Variants in APOB observed in about 807,000 individuals in gnomAD.
APOB encodes apolipoprotein B-100.
Under a neutral mutation model 314.1 loss-of-function variants are expected in APOB, and 153 were observed. That is an observed-to-expected ratio of 0.49 (90% CI 0.43 to 0.56). APOB has a LOEUF of 0.56. APOB is among the 20% of genes least tolerant of loss of function. The pLI is 0.00. For missense variants in APOB, 5,430 were observed against 5,350.7 expected (o/e 1.01, Z -0.46); for synonymous variants, 2,087 against 2,036.4 (o/e 1.02, Z -0.67).
chr2:21,011,612 G>A lies in APOB; in HGVS notation c.5256C>T (p.Asp1752=). The A allele has an allele frequency of 6.2e-7, 1 of 1,614,160 alleles. No individual in the cohort carries two copies. Among genetic ancestry groups the A allele is most frequent in the Non-Finnish European group, 8.5e-7 (1 of 1,180,020 alleles). ...MMGSYAEMKF[D]HTNSLNIAGL... is the part of the protein sequence containing the mutation. ...CTGCAATGTTCAGACTGTTTGTGTGGTCAAATTTCATTTCAGCATATGAGC... is the reference window on the plus strand; with the variant it reads ...CTGCAATGTTCAGACTGTTTGTGTGATCAAATTTCATTTCAGCATATGAGC... The change falls in exon 26 of 29, where the codon GAC becomes GAT. Residue 1752 remains aspartate (D), a synonymous_variant. Transcript: ENST00000233242.
At chr2:21,030,047 G>C in intron 10 of APOB, 32 bp from the exon 11 acceptor site, 1 of 1,389,654 alleles carries the variant, frequency 7.2e-7, no homozygotes, top group Non-Finnish European at 1.0e-6. Flanking sequence ...TCAGGACTTG[G>C]TAACCCCAGT....
rs1663738968 is a variant in APOB, at chr2:21,026,701, A to G, written c.2244+87T>C. On this transcript the variant is annotated intron_variant, in intron 15 of 28. Coordinates refer to ENST00000233242, the MANE Select transcript of APOB (RefSeq NM_000384.3). ...ATAGTTATCCCTTCAGTTAGATAGT[A>G]TTTTGAGGACTTCCATGCTTAGAAA... 13 of 1,112,532 alleles carry G rather than the reference A, an allele frequency of 1.2e-5. No individual in the cohort carries two copies. The South Asian group carries it at 1.6e-4, about 14-fold the overall frequency. The allele number at this position is 1,112,532 out of a possible 1,614,324, so 68.9% of individuals were successfully genotyped here. A position where few individuals can be genotyped will look rare whatever the true frequency, so the allele number is the denominator to read the frequency against.
rs746672223 is a variant in APOB, at chr2:21,035,601, G to A, written c.801C>T (p.Phe267=). Residue 267 remains phenylalanine (F), a synonymous_variant, in exon 7 of 29, where the codon TTC becomes TTT. Coordinates refer to ENST00000233242, the MANE Select transcript of APOB (RefSeq NM_000384.3). Reference sequence around the variant, plus strand: ...TGACCTACTTGTAGGAGAAAGGCAGGAAGAGGTGTTGCTCCTTGCAGATGG... The same window carrying A: ...TGACCTACTTGTAGGAGAAAGGCAGAAAGAGGTGTTGCTCCTTGCAGATGG... ...AEAICKEQHL[F]LPFSYKNKYG... The A allele has an allele frequency of 1.2e-6, 2 of 1,613,972 alleles. No individual in the cohort carries two copies. Among genetic ancestry groups the A allele is most frequent in the Non-Finnish European group, 1.7e-6 (2 of 1,180,046 alleles).
In APOB at chr2:21,006,541, C is replaced by A. The variant is rs2103351967; in HGVS notation, c.10327G>T (p.Glu3443Ter). The change falls in exon 26 of 29, where the codon GAA becomes TAA. Residue 3443 changes from glutamate (E) to a stop codon, truncating the protein, a stop_gained. Coordinates refer to ENST00000233242, the MANE Select transcript of APOB (RefSeq NM_000384.3). LOFTEE classifies it high-confidence loss of function. ...IPILRMNFKQ[E>*]LNGNTKSKPT... Reference sequence around the variant, plus strand: ...TTTGACTTGGTATTTCCATTAAGTTCTTGCTTGAAATTCATTCTCAAAATT... The same window carrying A: ...TTTGACTTGGTATTTCCATTAAGTTATTGCTTGAAATTCATTCTCAAAATT... The A allele has an allele frequency of 6.2e-7, 1 of 1,614,068 alleles. No homozygotes were observed. Among genetic ancestry groups the A allele is most frequent in the Non-Finnish European group, 8.5e-7 (1 of 1,179,962 alleles).
intron 17 of APOB, 137 bp downstream of exon 17, chr2:21,023,387 TA>T (rs1368967963): frequency 2.2e-5 from 23 of 1,059,934 alleles, no homozygotes; most frequent in South Asian, 5.4e-5. Flanking sequence ...AAGTTTTTCA[TA>T]AAAAAATAAT....
Position 21,029,496 on chromosome 2 carries a change from GA to G in APOB, c.1617+142del, listed in dbSNP as rs1663823928. The G allele has an allele frequency of 1.7e-5, 4 of 230,914 alleles. No individual in the cohort carries two copies. The East Asian group carries it at 5.4e-3, about 314-fold the overall frequency. 14.3% of individuals were successfully genotyped at this position (230,914 alleles called of 1,614,324 possible). ...GGAAAGAAGAAAGGGAGGGAGGGAG[GA>G]AGGAAGGAAGGAAGGAAGGAAGGAA... On this transcript the variant is annotated intron_variant, in intron 12 of 28. Transcript: ENST00000233242.
chr2:21,025,743 T>C (rs1663716280), intron 15 of APOB, among the ~76,000 whole-genome samples: 1 of 152,228 alleles, frequency 6.6e-6, no homozygotes, highest in Admixed American at 6.5e-5. Context: ...TGCCTTGCTC[T>C]GCAAAGTTGA....
At chr2:21,003,639 G>A (rs1663056324) in intron 28 of APOB, among the ~76,000 whole-genome samples, 1 of 152,120 alleles carries the variant, frequency 6.6e-6, no homozygotes, top group African/African-American at 2.4e-5. Context: ...GGAGTGGGGG[G>A]AAGAGAAAGA....
chr2:21,026,250 T>C (rs1474155751), intron 15 of APOB, among the ~76,000 whole-genome samples: 1 of 151,850 alleles, frequency 6.6e-6, no homozygotes, highest in Non-Finnish European at 1.5e-5. Context: ...CCAGAGTTCA[T>C]ACTTTTTTTT....
In APOB at chr2:21,005,086, G is replaced by A. The variant is rs764635907; in HGVS notation, c.11782C>T (p.Leu3928=). The A allele has an allele frequency of 6.2e-7, 1 of 1,613,772 alleles. No homozygotes were observed. Among genetic ancestry groups the A allele is most frequent in the East Asian group, 2.2e-5 (1 of 44,886 alleles). The change falls in exon 26 of 29, where the codon CTA becomes TTA. Residue 3928 remains leucine (L), a synonymous_variant. Coordinates refer to ENST00000233242, the MANE Select transcript of APOB (RefSeq NM_000384.3). ...GAGGCAGGATATTTCTTACCATTTA[G>A]TTCATATTCTAGGAACTGTACGGTT... The part of the protein sequence containing the change: ...SSTVQFLEYE[L]NVLGTHKIED...
At position 21,008,010 on chromosome 2, in the gene APOB, G is replaced by T. The variant is rs754457820; in HGVS notation, c.8858C>A (p.Pro2953His). Residue 2953 changes from proline (P) to histidine (H), a missense_variant, in exon 26 of 29, where the codon CCC becomes CAC. Pro to His is a moderately conservative substitution (Grantham distance 77). Coordinates refer to ENST00000233242, the MANE Select transcript of APOB (RefSeq NM_000384.3). ...ATTGGACAGTCCAAAGGAAGTGAGG[G>T]GTCCTTCTATGGTGAAACTAATTTG... ...ESQISFTIEG[P>H]LTSFGLSNKI... 3 of 1,613,878 alleles carry T rather than the reference G, an allele frequency of 1.9e-6. No homozygotes were observed. Among genetic ancestry groups the T allele is most frequent in the South Asian group, 1.1e-5 (1 of 91,074 alleles).
rs1383338819 is a variant in APOB at position 21,015,062 on chromosome 2, C to T, written c.3696+11G>A. On this transcript the variant is annotated intron_variant, in intron 23 of 28. Transcript: ENST00000233242. ...ATCCATGTATTTATTGACTGGCAGA[C>T]TCATACTTACAACTATTAATTTGGA... is the stretch of plus-strand genomic sequence containing the variant. The T allele has an allele frequency of 1.2e-6, 2 of 1,612,216 alleles. No individual in the cohort carries two copies. Among genetic ancestry groups the T allele is most frequent in the Non-Finnish European group, 1.7e-6 (2 of 1,178,634 alleles).
At chr2:21,035,307 C>T (rs1303459884) in intron 7 of APOB, among the ~76,000 whole-genome samples, 1 of 152,170 alleles carries the variant, frequency 6.6e-6, no homozygotes, top group Non-Finnish European at 1.5e-5. Flanking sequence ...CCTTTTCTAA[C>T]CAGGGTACCC....
chr2:21,007,895 T>C lies in APOB; in HGVS notation c.8973A>G (p.Gln2991=). The change falls in exon 26 of 29, where the codon CAA becomes CAG. Residue 2991 remains glutamine (Q), a synonymous_variant. Transcript: ENST00000233242. ...TGTGGCCCACATGCTGGGAATCGACTTGTGATTGAATTTCAAGTTTAGAAA... is the reference window on the plus strand; with the variant it reads ...TGTGGCCCACATGCTGGGAATCGACCTGTGATTGAATTTCAAGTTTAGAAA... ...LNFSKLEIQS[Q]VDSQHVGHSV... is the part of the protein sequence containing the mutation. 2 of 1,614,082 alleles carry C rather than the reference T, an allele frequency of 1.2e-6. No homozygotes were observed. Among genetic ancestry groups the C allele is most frequent in the South Asian group, 1.1e-5 (1 of 91,058 alleles).
intron 10 of APOB, 52 bp downstream of exon 10, chr2:21,032,302 G>T: frequency 6.7e-7 from 1 of 1,502,004 alleles, no homozygotes; most frequent in Non-Finnish European, 9.2e-7. Context: ...ATGCACAGAG[G>T]TGCAAGATGT....
rs746180039 is a variant in APOB, at chr2:21,026,901, A to G, written c.2131T>C (p.Phe711Leu). ...AAAGCTTTGTTGACACTGTCTGGGA[A>G]AAATCCTTGCTTCCCAAAAAGAGCT... ...LEALFGKQGF[F>L]PDSVNKALYW... The change falls in exon 15 of 29, where the codon TTC becomes CTC. Residue 711 changes from phenylalanine (F) to leucine (L), a missense_variant. Phe to Leu is a conservative substitution (Grantham distance 22). Around this residue, in one of 3 missense-constraint regions of APOB, gnomAD observed 2,085 missense variants for 2,079.7 expected, o/e 1.00. Transcript: ENST00000233242. 1.2e-6 allele frequency: 2 copies of G among 1,614,078 alleles called. No individual in the cohort carries two copies. Among genetic ancestry groups the G allele is most frequent in the African/African-American group, 1.3e-5 (1 of 74,926 alleles).
intron 4 of APOB, 140 bp from the exon 5 acceptor site, chr2:21,038,251 A>T: frequency 1.1e-6 from 1 of 907,892 alleles, no homozygotes; most frequent in Non-Finnish European, 1.8e-6. Context: ...GTAAATATAG[A>T]ATATAGCTAC....
rs1360199159 is a variant in APOB, at chr2:21,013,516, T to C, written c.3860A>G (p.Tyr1287Cys). The C allele has an allele frequency of 6.2e-7, 1 of 1,614,216 alleles. No homozygotes were observed. Among genetic ancestry groups the C allele is most frequent in the Non-Finnish European group, 8.5e-7 (1 of 1,180,038 alleles). Residue 1287 changes from tyrosine (Y) to cysteine (C), a missense_variant, in exon 25 of 29, where the codon TAT becomes TGT. By Grantham distance (194) the Tyr-to-Cys change is radical. Around this residue, in one of 3 missense-constraint regions of APOB, gnomAD observed 2,085 missense variants for 2,079.7 expected, o/e 1.00. Transcript: ENST00000233242. ...TTTCAAACTGTTCTTGTTCAAGGTATATTTGACCCGGCCATCGCTGAAATG... is the reference window on the plus strand; with the variant it reads ...TTTCAAACTGTTCTTGTTCAAGGTACATTTGACCCGGCCATCGCTGAAATG... ...LFLKSDGRVK[Y>C]TLNKNSLKIE...
intron 24 of APOB, 66 bp downstream of exon 24, chr2:21,014,382 C>A: frequency 6.3e-7 from 1 of 1,580,392 alleles, no homozygotes; most frequent in Non-Finnish European, 8.7e-7. Flanking sequence ...ATGTCTAAAT[C>A]ATGCTATGTA....
Sources: allele counts gnomAD v4.1 joint callset (sites outside exome capture counted in the v4.1 genomes callset), GRCh38; gene constraint gnomAD v4.1.1; regional missense constraint gnomAD v4.1.1; transcripts MANE v1.5; gene names NCBI Gene and HGNC (gene_info 2026-07-23, HGNC 2026-07-21).